The following DOCK4 variants were observed in gnomAD, a reference collection of about 807,000 sequenced individuals.
DOCK4 encodes dedicator of cytokinesis 4, also known as dedicator of cytokinesis protein 4.
In DOCK4, 97 loss-of-function variants were observed where a neutral mutation model predicts 268.1. The ratio of observed to expected loss-of-function variants is 0.36; its 90% CI spans 0.31 to 0.43. DOCK4 has a LOEUF of 0.43. Among genes scored for constraint, DOCK4 ranks in the 20% least tolerant of loss-of-function variants. DOCK4 has a pLI of 1.00. For synonymous variants in DOCK4, 954 were observed against 887.2 expected (o/e 1.08, Z -1.34); for missense variants, 2,145 against 2,455.7 (o/e 0.87, Z 2.67).
intron 23 of DOCK4, among the ~76,000 whole-genome samples, chr7:111,852,198 A>G (rs1386257576): frequency 6.6e-6 from 1 of 152,036 alleles, no homozygotes; most frequent in Non-Finnish European, 1.5e-5. Context: ...TCCTCCGCTC[A>G]GGCAATTCAT....
At chr7:112,199,713 T>C (rs1820752956) in intron 1 of DOCK4, among the ~76,000 whole-genome samples, 1 of 152,214 alleles carries the variant, frequency 6.6e-6, no homozygotes, top group African/African-American at 2.4e-5. Context: ...AAAAGAATAG[T>C]GAGTGGTAAA....
intron 1 of DOCK4, among the ~76,000 whole-genome samples, chr7:112,039,895 G>C (rs1454374471): frequency 1.3e-5 from 2 of 151,964 alleles, no homozygotes; most frequent in Admixed American, 1.3e-4. Context: ...CTCTATACTC[G>C]TGCTTGGCCT....
intron 8 of DOCK4, chr7:111,971,977 T>G (rs1225525981): frequency 1.9e-5 from 3 of 160,532 alleles, no homozygotes; most frequent in African/African-American, 7.2e-5. Context: ...AGGGCCACCT[T>G]CTTCCTCTTG....
chr7:111,840,196 C>T (rs967702652), intron 25 of DOCK4, among the ~76,000 whole-genome samples: 1 of 152,122 alleles, frequency 6.6e-6, no homozygotes, highest in African/African-American at 2.4e-5. Context: ...TTCACGAAAC[C>T]TATTATACAC....
chr7:112,162,170 A>T (rs182404931), intron 1 of DOCK4, among the ~76,000 whole-genome samples: 2 of 152,312 alleles, frequency 1.3e-5, no homozygotes, highest in African/African-American at 4.8e-5. Context: ...TTTATCTGGC[A>T]TCAAGAGAGC....
intron 12 of DOCK4, among the ~76,000 whole-genome samples, chr7:111,919,049 T>A (rs2134562295): frequency 6.6e-6 from 1 of 152,042 alleles, no homozygotes; most frequent in Admixed American, 6.5e-5. Flanking sequence ...GAAAAACTGA[T>A]CAAGATTCTT....
intron 23 of DOCK4, among the ~76,000 whole-genome samples, chr7:111,859,986 G>A (rs1333215375): frequency 6.6e-6 from 1 of 152,060 alleles, no homozygotes; most frequent in African/African-American, 2.4e-5. Flanking sequence ...GTTTTATATT[G>A]TCCCTCTTCT....
At chr7:112,150,448 A>G (rs1815952275) in intron 1 of DOCK4, among the ~76,000 whole-genome samples, 1 of 152,088 alleles carries the variant, frequency 6.6e-6, no homozygotes, top group African/African-American at 2.4e-5. Flanking sequence ...ATACTTGGAG[A>G]TAACCTCGTC....
chr7:111,918,569 T>G (rs1362191773), intron 12 of DOCK4, among the ~76,000 whole-genome samples: 1 of 152,214 alleles, frequency 6.6e-6, no homozygotes, highest in Non-Finnish European at 1.5e-5. Context: ...AGCGAACATG[T>G]GTTATGATCC....
intron 35 of DOCK4, among the ~76,000 whole-genome samples, chr7:111,781,991 A>G (rs748316390): frequency 3.9e-5 from 6 of 152,232 alleles, no homozygotes; most frequent in Non-Finnish European, 8.8e-5. Flanking sequence ...GGATTCATTT[A>G]TTCTACAAAA....
chr7:111,952,538 A>G (rs1796133516), intron 8 of DOCK4, among the ~76,000 whole-genome samples: 1 of 152,218 alleles, frequency 6.6e-6, no homozygotes, highest in Non-Finnish European at 1.5e-5. Flanking sequence ...TATATTTATC[A>G]CTTTTATAGT....
At chr7:111,918,389 T>C (rs561418564) in intron 12 of DOCK4, among the ~76,000 whole-genome samples, 182 of 152,274 alleles carry the variant, frequency 1.2e-3, no homozygotes, top group Middle Eastern at 6.8e-3. Context: ...AGGTGACCGA[T>C]GACAATAAAA....
At chr7:112,078,476 A>G (rs1301098291) in intron 1 of DOCK4, among the ~76,000 whole-genome samples, 1 of 152,226 alleles carries the variant, frequency 6.6e-6, no homozygotes, top group Non-Finnish European at 1.5e-5. Context: ...CCAAAGCTAC[A>G]GCTACAGGCA....
rs552202621 is a variant in DOCK4, at chr7:111,897,362, C to A, written c.1481-1644G>T. On this transcript the variant is annotated intron_variant, in intron 15 of 52. Coordinates refer to ENST00000428084, the MANE Select transcript of DOCK4 (RefSeq NM_001363540.2). ...ATTGGCCTTCAACCTACTAGATAGT[C>A]TTTCTTAATGTCATTTAATGCCTCC... is the stretch of plus-strand genomic sequence containing the variant. 5.9e-5 allele frequency among the ~76,000 whole-genome samples: 9 copies of A among 152,188 alleles called. No homozygotes were observed. In the East Asian group the frequency reaches 1.5e-3, roughly 26 times the overall value.
At chr7:111,877,665 G>T (rs1807018856) in intron 16 of DOCK4, among the ~76,000 whole-genome samples, 1 of 152,160 alleles carries the variant, frequency 6.6e-6, no homozygotes, top group African/African-American at 2.4e-5. Flanking sequence ...AATTAAAAGA[G>T]AAGATATTTC....
chr7:111,761,062 CTT>C (rs34238929), intron 39 of DOCK4, among the ~76,000 whole-genome samples: 39,722 of 140,774 alleles, frequency 0.28, 6,293 homozygotes, highest in African/African-American at 0.44. Flanking sequence ...GGCTTAAAGT[CTT>C]TTTTTTTTTT....
chr7:111,941,922 C>T (rs1236094664), intron 10 of DOCK4, among the ~76,000 whole-genome samples: 1 of 152,174 alleles, frequency 6.6e-6, no homozygotes, highest in East Asian at 1.9e-4. Flanking sequence ...GCTTATCTCC[C>T]AAACCTCCAC....
At chr7:111,752,729 G>C (rs1327620942) in intron 42 of DOCK4, among the ~76,000 whole-genome samples, 1 of 151,510 alleles carries the variant, frequency 6.6e-6, no homozygotes, top group East Asian at 2.0e-4. Context: ...TGGGACTACA[G>C]GTGCGTGCCA....
chr7:112,175,813 T>C (rs559583305), intron 1 of DOCK4, among the ~76,000 whole-genome samples: 1 of 128,210 alleles, frequency 7.8e-6, no homozygotes, highest in Non-Finnish European at 1.5e-5. Flanking sequence ...TCTGCCCCCA[T>C]CCCCTTTTTA....
Sources: gnomAD v4.1 joint callset for allele counts (sites outside exome capture counted in the v4.1 genomes callset) on GRCh38, gnomAD v4.1.1 for gene constraint, MANE v1.5 for transcripts, NCBI Gene and HGNC (gene_info 2026-07-23, HGNC 2026-07-21) for gene names.